The following ULK2 variants were observed in gnomAD, a reference collection of about 807,000 sequenced individuals.
ULK2 encodes the protein serine/threonine-protein kinase ULK2.
ULK2 carries 76 observed loss-of-function variants against 127.5 expected under a neutral mutation model. The observed-to-expected ratio is 0.60, with a 90% CI of 0.50 to 0.72. The LOEUF is 0.72. ULK2 is among the 30% of genes least tolerant of loss of function. The probability of loss-of-function intolerance (pLI) is 0.00; values close to 1 mark genes in which losing one functional copy is unlikely to be tolerated. For missense variants in ULK2, 1,144 were observed against 1,295.9 expected, an observed-to-expected ratio of 0.88 and a Z score of 1.80; for synonymous variants, 452 against 461.9, an observed-to-expected ratio of 0.98 and a Z score of 0.28.
chr17:19,790,689 C>T (rs1026244664), intron 20 of ULK2, among the ~76,000 whole-genome samples: 1 of 152,170 alleles, frequency 6.6e-6, no homozygotes, highest in African/African-American at 2.4e-5. Context: ...CTAAACTCTT[C>T]AGCCATGAGT....
chr17:19,866,211 T>A (rs1253372460), intron 1 of ULK2, among the ~76,000 whole-genome samples: 1 of 152,106 alleles, frequency 6.6e-6, no homozygotes, highest in Non-Finnish European at 1.5e-5. Context: ...AAATGAAAAG[T>A]AGGCCGGGAG....
chr17:19,826,001 A>AAAAT lies in ULK2; in HGVS notation c.835+134_835+137dup, dbSNP rs1555560385. On this transcript the variant is annotated intron_variant, in intron 11 of 26. Coordinates refer to ENST00000395544, the MANE Select transcript of ULK2 (RefSeq NM_014683.4). ...AACTCCATCTCAAAAAAAAAAAAAAAAAATAAATAAATAAATAAATAAATT... is the reference window on the plus strand; with the variant it reads ...AACTCCATCTCAAAAAAAAAAAAAAAAAATAAATAAATAAATAAATAAATAAATT... The AAAAT allele has an allele frequency of 1.3e-4, 17 of 127,928 alleles. 1 individual carries two copies. Among genetic ancestry groups the AAAAT allele is most frequent in the East Asian group, 6.2e-4 (3 of 4,822 alleles). The allele number at this position is 127,928 out of a possible 1,614,324, so 7.9% of individuals were successfully genotyped here.
At chr17:19,799,641 G>A (rs2087354082) in intron 16 of ULK2, 66 bp from the exon 17 acceptor site, 2 of 1,417,132 alleles carry the variant, frequency 1.4e-6, no homozygotes, top group South Asian at 3.0e-5. Context: ...ATAAAAGATG[G>A]CAACAGGCAA....
At chr17:19,782,650 T>C (rs1344416410) in intron 22 of ULK2, among the ~76,000 whole-genome samples, 1 of 152,194 alleles carries the variant, frequency 6.6e-6, no homozygotes, top group Non-Finnish European at 1.5e-5. Flanking sequence ...GCATGGTGGC[T>C]CATGCCTGTA....
At chr17:19,832,109 C>T (rs2041468860) in intron 10 of ULK2, among the ~76,000 whole-genome samples, 1 of 149,606 alleles carries the variant, frequency 6.7e-6, no homozygotes, top group South Asian at 2.1e-4. Flanking sequence ...GCGTTGGTGA[C>T]AGAGCAAAAC....
Position 19,799,577 on chromosome 17 carries a change from TA to T in ULK2, c.1442-3del. The T allele has an allele frequency of 1.1e-6, 1 of 936,400 alleles. No individual in the cohort carries two copies. Among genetic ancestry groups the T allele is most frequent in the Admixed American group, 7.7e-5 (1 of 13,042 alleles). 58.0% of individuals were successfully genotyped at this position (936,400 alleles called of 1,614,324 possible). A position where few individuals can be genotyped will look rare whatever the true frequency, so the allele number is the denominator to read the frequency against. Reference sequence around the variant, plus strand: ...TGAATTGCTCAGGAATGGTACCAACTACAAAAAAAAAAAAAAAAAAGATGGG... The same window carrying T: ...TGAATTGCTCAGGAATGGTACCAACTCAAAAAAAAAAAAAAAAAAGATGGG... On this transcript the variant is annotated splice_region_variant and splice_polypyrimidine_tract_variant and intron_variant, in intron 16 of 26. Transcript: ENST00000395544.
At chr17:19,805,506 T>C (rs2087496088) in intron 14 of ULK2, among the ~76,000 whole-genome samples, 1 of 152,154 alleles carries the variant, frequency 6.6e-6, no homozygotes, top group Non-Finnish European at 1.5e-5. Flanking sequence ...TAAAAAGAAA[T>C]ACAAAACACT....
At chr17:19,789,660 G>A (rs1422199504) in intron 20 of ULK2, among the ~76,000 whole-genome samples, 1 of 152,014 alleles carries the variant, frequency 6.6e-6, no homozygotes, top group Non-Finnish European at 1.5e-5. Context: ...ATAATATAGA[G>A]AAGAAATTCA....
At chr17:19,842,969 C>A (rs2041800222) in intron 8 of ULK2, 152 bp downstream of exon 8, 2 of 700,632 alleles carry the variant, frequency 2.9e-6, no homozygotes, top group Non-Finnish European at 5.0e-6. Context: ...CGTTCTGACT[C>A]ACTAAAGCAG....
At chr17:19,860,912 G>C (rs1256774725) in intron 3 of ULK2, 2 of 151,946 alleles carry the variant, frequency 1.3e-5, no homozygotes, top group African/African-American at 4.8e-5. Flanking sequence ...GGAGACCCAG[G>C]TTCGATTCCT....
intron 3 of ULK2, among the ~76,000 whole-genome samples, chr17:19,859,242 G>A (rs534437310): frequency 5.9e-5 from 9 of 152,154 alleles, no homozygotes; most frequent in South Asian, 4.2e-4. Context: ...GGCTGAGTGC[G>A]GTGGCTCAGG....
intron 16 of ULK2, 151 bp downstream of exon 16, chr17:19,801,626 G>A: frequency 2.1e-6 from 2 of 935,222 alleles, no homozygotes; most frequent in Non-Finnish European, 3.2e-6. Flanking sequence ...AGGGAGTTGG[G>A]ATTGGGGTAA....
intron 9 of ULK2, 40 bp from the exon 10 acceptor site, chr17:19,838,623 T>C (rs1362302440): frequency 6.5e-7 from 1 of 1,547,108 alleles, no homozygotes; most frequent in Non-Finnish European, 8.8e-7. Context: ...AGTGATAAGT[T>C]TATATACATA....
At chr17:19,863,535 G>C (rs957052992) in intron 3 of ULK2, among the ~76,000 whole-genome samples, 1 of 140,012 alleles carries the variant, frequency 7.1e-6, no homozygotes, top group Non-Finnish European at 1.5e-5. Context: ...ATCTTGCTCT[G>C]TTGTCCAGGC....
chr17:19,796,212 C>T lies in ULK2; in HGVS notation c.1880G>A (p.Gly627Glu). The T allele has an allele frequency of 1.2e-6, 2 of 1,613,934 alleles. No individual in the cohort carries two copies. Among genetic ancestry groups the T allele is most frequent in the Non-Finnish European group, 1.7e-6 (2 of 1,180,008 alleles). Reference sequence around the variant, plus strand: ...ATCTTTCGACTGTTCTTCAGCAGGCCCATGACGAGTAACCAAGGCTAACAG... The same window carrying T: ...ATCTTTCGACTGTTCTTCAGCAGGCTCATGACGAGTAACCAAGGCTAACAG... ...SNLLALVTRHGPAEEQSKDGN... is the reference protein window; with the variant it reads ...SNLLALVTRHEPAEEQSKDGN... Residue 627 changes from glycine to glutamate, a missense_variant, in exon 19 of 27, where the codon GGG becomes GAG. This residue lies in a region of ULK2 where 913 missense variants were observed against 970.5 expected (regional missense o/e 0.94). Transcript: ENST00000395544.
intron 14 of ULK2, 55 bp downstream of exon 14, chr17:19,810,323 C>G (rs1421213873): frequency 9.0e-7 from 1 of 1,109,374 alleles, no homozygotes; most frequent in African/African-American, 1.6e-5. Flanking sequence ...TATAACCTTA[C>G]TCACAAAAAT....
At position 19,786,038 on chromosome 17, in the gene ULK2, G is replaced by A; in HGVS notation, c.2150C>T (p.Ala717Val). ...GGVLAPPAGT[A>V]ASSKAVLFTV... is the part of the protein sequence containing the mutation. ...GAAGAGGACAGCCTTGGAACTTGCT[G>A]CTGTACCTGCAGGAGGTGCCAGAAC... is the stretch of plus-strand genomic sequence containing the variant. The change falls in exon 21 of 27, where the codon GCA becomes GTA. Residue 717 changes from alanine (A) to valine (V), a missense_variant. Physicochemically the swap from Ala to Val is moderately conservative, Grantham distance 64. Coordinates refer to ENST00000395544, the MANE Select transcript of ULK2 (RefSeq NM_014683.4). 1.3e-6 allele frequency: 2 copies of A among 1,573,768 alleles called. No homozygotes were observed. The highest frequency in any genetic ancestry group is 1.7e-6 in the Non-Finnish European group (2 of 1,166,610).
chr17:19,782,191 GA>G, intron 22 of ULK2, 124 bp from the exon 23 acceptor site: 1 of 1,080,734 alleles, frequency 9.3e-7, no homozygotes, highest in African/African-American at 1.6e-5. Context: ...ATGACAAAAG[GA>G]GATTGAAATT....
chr17:19,842,919 A>G (rs2041799267), intron 8 of ULK2, among the ~76,000 whole-genome samples: 1 of 152,194 alleles, frequency 6.6e-6, no homozygotes, highest in South Asian at 2.1e-4. Context: ...GCCCAGTCCA[A>G]CTACAAAGGG....
Sources: allele counts gnomAD v4.1 joint callset (sites outside exome capture counted in the v4.1 genomes callset), GRCh38; gene constraint gnomAD v4.1.1; regional missense constraint gnomAD v4.1.1; transcripts MANE v1.5; gene names NCBI Gene and HGNC (gene_info 2026-07-23, HGNC 2026-07-21).